HTT: variants seen among roughly 807,000 people sequenced by gnomAD.
HTT encodes the protein huntingtin, also known as huntington disease protein.
Under a neutral mutation model 362.3 loss-of-function variants are expected in HTT, and 104 were observed. That is an observed-to-expected ratio of 0.29 (90% CI 0.24 to 0.34). The LOEUF is 0.34. Among genes scored for constraint, HTT ranks in the 10% least tolerant of loss-of-function variants. The pLI, the probability that HTT is intolerant of heterozygous loss-of-function variation, is 1.00. For missense variants in HTT, 3,301 were observed against 3,928.6 expected, an observed-to-expected ratio of 0.84 and a Z score of 4.27; for synonymous variants, 1,577 against 1,548.7, an observed-to-expected ratio of 1.02 and a Z score of -0.43.
intron 60 of HTT, among the ~76,000 whole-genome samples, chr4:3,232,396 AG>A (rs1196036768): frequency 6.6e-6 from 1 of 152,184 alleles, no homozygotes; most frequent in Non-Finnish European, 1.5e-5. Context: ...GGGCTGAAGG[AG>A]GGTGACATTC....
At chr4:3,152,387 C>T (rs532930003) in intron 26 of HTT, among the ~76,000 whole-genome samples, 1 of 152,096 alleles carries the variant, frequency 6.6e-6, no homozygotes, top group Admixed American at 6.6e-5. Context: ...CGTGAGCTAC[C>T]GCTCCCAGCC....
intron 1 of HTT, among the ~76,000 whole-genome samples, chr4:3,079,548 T>C (rs1410182272): frequency 6.6e-6 from 1 of 152,108 alleles, no homozygotes; most frequent in Non-Finnish European, 1.5e-5. Flanking sequence ...AGCAAGGATG[T>C]CATTTTAGTT....
chr4:3,085,632 G>C (rs1358380345), intron 1 of HTT, among the ~76,000 whole-genome samples: 3 of 152,168 alleles, frequency 2.0e-5, no homozygotes, highest in Non-Finnish European at 4.4e-5. Flanking sequence ...AAATTCCATG[G>C]GGGAAGGAAT....
At chr4:3,222,315 G>T in intron 53 of HTT, 72 bp from the exon 54 acceptor site, 1 of 1,316,454 alleles carries the variant, frequency 7.6e-7, no homozygotes, top group East Asian at 2.3e-5. Context: ...TGCTGTGTCG[G>T]CGTAGCTGTC....
chr4:3,110,010 C>T (rs1714666312), intron 6 of HTT, among the ~76,000 whole-genome samples: 1 of 152,186 alleles, frequency 6.6e-6, no homozygotes, highest in South Asian at 2.1e-4. Flanking sequence ...TGATTGGGGC[C>T]TTCAGCAGCA....
intron 1 of HTT, among the ~76,000 whole-genome samples, chr4:3,078,789 C>T (rs1712711514): frequency 1.3e-5 from 2 of 150,594 alleles, no homozygotes; most frequent in South Asian, 4.2e-4. Context: ...GGCTGGAGTG[C>T]AGTGGCGCGA....
rs1172405042 is a variant in HTT, at chr4:3,228,284, G to C, written c.7849-331G>C. ...AAAAGGAATCTCACGTATTGGTTCC[G>C]TGTTTTGGGGACTCCATTCAGATGT... is the stretch of plus-strand genomic sequence containing the variant. On this transcript the variant is annotated intron_variant, in intron 57 of 66. Coordinates refer to ENST00000355072, the MANE Select transcript of HTT (RefSeq NM_001388492.1). This position sits in a 1 kb window ranked among gnomAD's most constrained non-coding sequence, Gnocchi z 4.3. Among the ~76,000 whole-genome samples, 1 of 152,210 alleles carries C rather than the reference G, an allele frequency of 6.6e-6. No homozygotes were observed. Among genetic ancestry groups the C allele is most frequent in the Non-Finnish European group, 1.5e-5 (1 of 68,028 alleles).
intron 60 of HTT, among the ~76,000 whole-genome samples, chr4:3,232,882 C>T (rs1721325647): frequency 6.6e-6 from 1 of 152,250 alleles, no homozygotes; most frequent in South Asian, 2.1e-4. Flanking sequence ...CGTGCCCAGA[C>T]TCTGGACTCC....
chr4:3,198,786 G>A (rs1324884656), intron 40 of HTT, among the ~76,000 whole-genome samples: 3 of 152,254 alleles, frequency 2.0e-5, no homozygotes, highest in Non-Finnish European at 4.4e-5. Flanking sequence ...CTAGCTGAGT[G>A]TGTTGCTGAG....
Position 3,074,918 on chromosome 4 carries a change from G to GCAGCAGCAA in HTT, c.101_102insACAGCAGCA (p.Gln36_Gln38dup). On this transcript the variant is annotated inframe_insertion, in exon 1 of 67. Transcript: ENST00000355072. ...AGCAGCAGCAGCAGCAGCAGCAGCAGCAGCAGCAGCAGCAGCAACAGCCGC... is the reference window on the plus strand; with the variant it reads ...AGCAGCAGCAGCAGCAGCAGCAGCAGCAGCAGCAACAGCAGCAGCAGCAGCAACAGCCGC... The GCAGCAGCAA allele has an allele frequency of 1.3e-6, 2 of 1,485,662 alleles. No homozygotes were observed. Among genetic ancestry groups the GCAGCAGCAA allele is most frequent in the Non-Finnish European group, 1.8e-6 (2 of 1,119,866 alleles). The allele number at this position is 1,485,662 out of a possible 1,614,324, so 92.0% of individuals were successfully genotyped here.
intron 18 of HTT, among the ~76,000 whole-genome samples, chr4:3,133,383 C>T (rs1365189033): frequency 6.6e-6 from 1 of 150,780 alleles, no homozygotes; most frequent in Non-Finnish European, 1.5e-5. Flanking sequence ...GTCTCAGCTA[C>T]TCGGGAAGCT....
In HTT at chr4:3,127,337, T is replaced by C; in HGVS notation, c.1476T>C (p.His492=). 6.2e-7 allele frequency: 1 copy of C among 1,614,206 alleles called. No individual in the cohort carries two copies. Among genetic ancestry groups the C allele is most frequent in the Non-Finnish European group, 8.5e-7 (1 of 1,180,038 alleles). Residue 492 remains histidine (H), a synonymous_variant, in exon 12 of 67, where the codon CAT becomes CAC. Transcript: ENST00000355072. ...TTTCCACTCCAGGGTCAGCAGGTCA[T>C]GACATCATCACAGAACAGCCACGGT... ...SGVSTPGSAG[H]DIITEQPRSQ...
chr4:3,236,360 C>T (rs544244122), intron 64 of HTT, 106 bp downstream of exon 64: 185 of 806,200 alleles, frequency 2.3e-4, no homozygotes, highest in Middle Eastern at 1.6e-3. Context: ...TTGCTGGAGT[C>T]CTGCCAGTGA....
intron 51 of HTT, 24 bp from the exon 52 acceptor site, chr4:3,217,741 C>G: frequency 1.3e-6 from 2 of 1,589,930 alleles, no homozygotes; most frequent in Non-Finnish European, 1.7e-6. Flanking sequence ...TTAAAAAGTC[C>G]TCTCTTAACC....
At chr4:3,153,496 G>A (rs1224438529) in intron 26 of HTT, among the ~76,000 whole-genome samples, 1 of 152,178 alleles carries the variant, frequency 6.6e-6, no homozygotes. Context: ...CATGTGTTGT[G>A]TATTGGAGAT....
rs541091360 is a variant in HTT at position 3,237,596 on chromosome 4, C to T, written c.8892-851C>T. On this transcript the variant is annotated intron_variant, in intron 64 of 66. Transcript: ENST00000355072. ...CTCCAGACGCCACAGGGAGGCACCTCGCAGCTGACCACAGATTTCTCTCTG... is the reference window on the plus strand; with the variant it reads ...CTCCAGACGCCACAGGGAGGCACCTTGCAGCTGACCACAGATTTCTCTCTG... 2.6e-3 allele frequency among the ~76,000 whole-genome samples: 400 copies of T among 152,234 alleles called. 4 individuals are homozygous for T. The highest frequency in any genetic ancestry group is 9.2e-3 in the African/African-American group (383 of 41,538).
chr4:3,195,232 C>T (rs796380857), intron 40 of HTT, among the ~76,000 whole-genome samples: 13 of 152,208 alleles, frequency 8.5e-5, no homozygotes, highest in African/African-American at 2.6e-4. Context: ...TAGGAGCTCT[C>T]GATGGTGGAA....
At chr4:3,153,482 C>G (rs1322789090) in intron 26 of HTT, among the ~76,000 whole-genome samples, 1 of 152,168 alleles carries the variant, frequency 6.6e-6, no homozygotes, top group East Asian at 1.9e-4. Flanking sequence ...GTTCTATATG[C>G]TCTCATGTGT....
At chr4:3,221,985 C>T (rs1487549295) in intron 53 of HTT, among the ~76,000 whole-genome samples, 1 of 152,248 alleles carries the variant, frequency 6.6e-6, no homozygotes, top group East Asian at 1.9e-4. Context: ...CAGCCAGCTG[C>T]ACAGTCTCAG....
Sources: allele counts gnomAD v4.1 joint callset (sites outside exome capture counted in the v4.1 genomes callset), GRCh38; gene constraint gnomAD v4.1.1; non-coding constraint Gnocchi (gnomAD v3.1); transcripts MANE v1.5; gene names NCBI Gene and HGNC (gene_info 2026-07-23, HGNC 2026-07-21).